The following ZNF536 variants were observed in gnomAD, a reference collection of about 807,000 sequenced individuals.
The protein encoded by ZNF536 is zinc finger protein 536.
A neutral mutation model predicts 84.5 loss-of-function variants in ZNF536; 13 were observed. The observed-to-expected ratio is 0.15, with a 90% CI of 0.10 to 0.24. ZNF536 has a LOEUF of 0.24. ZNF536 is among the 10% of genes least tolerant of loss of function. The pLI, the probability that ZNF536 is intolerant of heterozygous loss-of-function variation, is 1.00. For synonymous variants in ZNF536, 811 were observed against 742.5 expected (o/e 1.09, Z -1.50); for missense variants, 1,536 against 1,747.5 (o/e 0.88, Z 2.16).
At chr19:30,404,248 C>T (rs966760147) in intron 1 of ZNF536, among the ~76,000 whole-genome samples, 5 of 152,150 alleles carry the variant, frequency 3.3e-5, no homozygotes, top group Non-Finnish European at 5.9e-5. Context: ...AGTCTGGGCG[C>T]AGAGCCCAGA....
chr19:30,534,996 A>G lies in ZNF536; in HGVS notation c.2320A>G (p.Thr774Ala). The G allele has an allele frequency of 1.2e-6, 2 of 1,611,116 alleles. No individual in the cohort carries two copies. The highest frequency in any genetic ancestry group is 1.7e-6 in the Non-Finnish European group (2 of 1,178,536). ...HHLKVHLRIH[T>A]GEKPYKCPHC... is the part of the protein sequence containing the mutation. Reference sequence around the variant, plus strand: ...CCTTAAGGTGCACCTGAGGATACACACAGGTGAGAAGTCTGAGTGCATCCA... The same window carrying G: ...CCTTAAGGTGCACCTGAGGATACACGCAGGTGAGAAGTCTGAGTGCATCCA... Residue 774 changes from threonine to alanine, a missense_variant, in exon 3 of 5, where the codon ACA becomes GCA. Around this residue, in one of 8 missense-constraint regions of ZNF536, gnomAD observed 148 missense variants for 205.4 expected, o/e 0.72. Transcript: ENST00000355537.
intron 2 of ZNF536, among the ~76,000 whole-genome samples, chr19:30,337,632 T>G (rs1035758866): frequency 1.3e-5 from 2 of 152,146 alleles, no homozygotes; most frequent in Non-Finnish European, 2.9e-5. Context: ...GATGAGGCCT[T>G]CCTTATCTCC....
chr19:30,633,095 C>T (rs1258630763), intron 1 of ZNF536, among the ~76,000 whole-genome samples: 1 of 152,094 alleles, frequency 6.6e-6, no homozygotes, highest in Non-Finnish European at 1.5e-5. Context: ...ATAATTGATC[C>T]ACTTCCTTAG....
intron 2 of ZNF536, among the ~76,000 whole-genome samples, chr19:30,320,731 A>T (rs1405606437): frequency 6.6e-6 from 1 of 152,104 alleles, no homozygotes; most frequent in African/African-American, 2.4e-5. Flanking sequence ...GACCTGGATT[A>T]TCCAAACGAT....
intron 1 of ZNF536, among the ~76,000 whole-genome samples, chr19:30,274,176 C>T (rs1452039845): frequency 5.3e-5 from 8 of 152,340 alleles, no homozygotes; most frequent in Non-Finnish European, 8.8e-5. Context: ...GGGGGACCAA[C>T]GTTTCAAGTG....
chr19:30,567,430 G>A (rs919582844), intron 1 of ZNF536, among the ~76,000 whole-genome samples: 31 of 152,310 alleles, frequency 2.0e-4, no homozygotes, highest in Admixed American at 3.9e-4. Context: ...TGACAAAGTC[G>A]CAGTGATAAC....
rs143886562 is a variant in ZNF536, at chr19:30,571,430, C to T, written c.169+21916C>T. On this transcript the variant is annotated intron_variant, in intron 1 of 1. Coordinates refer to the ZNF536 transcript ENST00000592773. ...CACAGGCTAAGTAGGGGTCAAGATGCCCAAAGCCCTCTTCAGTGAGGATCA... is the reference window on the plus strand; with the variant it reads ...CACAGGCTAAGTAGGGGTCAAGATGTCCAAAGCCCTCTTCAGTGAGGATCA... Among the ~76,000 whole-genome samples, 26 of 152,322 alleles carry T rather than the reference C, an allele frequency of 1.7e-4. No individual in the cohort carries two copies. In the East Asian group the frequency reaches 4.6e-3, roughly 27 times the overall value.
intron 1 of ZNF536, among the ~76,000 whole-genome samples, chr19:30,243,100 A>G (rs2024048892): frequency 6.6e-6 from 1 of 152,144 alleles, no homozygotes; most frequent in East Asian, 1.9e-4. Flanking sequence ...TTGCTTAAAT[A>G]TTTCTCCTTC....
intron 1 of ZNF536, among the ~76,000 whole-genome samples, chr19:30,689,310 A>G (rs1344476481): frequency 6.6e-6 from 1 of 152,262 alleles, no homozygotes; most frequent in Non-Finnish European, 1.5e-5. Flanking sequence ...TGAAGATTCA[A>G]TGAGACATTG....
At chr19:30,341,847 A>G (rs1382310771) in intron 2 of ZNF536, among the ~76,000 whole-genome samples, 1 of 152,232 alleles carries the variant, frequency 6.6e-6, no homozygotes, top group African/African-American at 2.4e-5. Context: ...CACAATAAAC[A>G]TGTTGAAATG....
At chr19:30,327,331 G>A (rs532483283) in intron 2 of ZNF536, among the ~76,000 whole-genome samples, 13 of 152,194 alleles carry the variant, frequency 8.5e-5, no homozygotes, top group Admixed American at 7.8e-4. Context: ...AGGTCTGACT[G>A]AACCCTGCCC....
At chr19:30,683,573 C>T (rs1242411779) in intron 1 of ZNF536, among the ~76,000 whole-genome samples, 1 of 151,948 alleles carries the variant, frequency 6.6e-6, no homozygotes, top group Non-Finnish European at 1.5e-5. Context: ...TCTCTTTTTC[C>T]CTCTGATGGT....
chr19:30,314,607 A>T (rs949626257), intron 2 of ZNF536, among the ~76,000 whole-genome samples: 10 of 152,190 alleles, frequency 6.6e-5, no homozygotes, highest in Admixed American at 5.9e-4. Flanking sequence ...TCATGTTGTC[A>T]GGGTTATCTT....
At chr19:30,616,328 A>G (rs1380965046) in intron 1 of ZNF536, among the ~76,000 whole-genome samples, 7 of 152,168 alleles carry the variant, frequency 4.6e-5, no homozygotes, top group Non-Finnish European at 8.8e-5. Flanking sequence ...ATATCCTTCT[A>G]TGACTATTTG....
At chr19:30,617,326 T>C (rs919433229) in intron 1 of ZNF536, among the ~76,000 whole-genome samples, 1 of 130,808 alleles carries the variant, frequency 7.6e-6, no homozygotes, top group Non-Finnish European at 1.6e-5. Flanking sequence ...CATATCTGAA[T>C]AGCTTACTTT....
At chr19:30,617,301 G>A (rs1030311605) in intron 1 of ZNF536, among the ~76,000 whole-genome samples, 1 of 119,184 alleles carries the variant, frequency 8.4e-6, no homozygotes, top group Non-Finnish European at 1.7e-5. Flanking sequence ...TTTCCCCACA[G>A]TCCCCAGAGT....
At chr19:30,403,129 C>G (rs1305996786) in intron 1 of ZNF536, among the ~76,000 whole-genome samples, 2 of 152,086 alleles carry the variant, frequency 1.3e-5, no homozygotes, top group African/African-American at 4.8e-5. Context: ...TGAGATGCTG[C>G]CTGGCATTGC....
chr19:30,477,086 G>T (rs1220527288), intron 2 of ZNF536, among the ~76,000 whole-genome samples: 1 of 152,070 alleles, frequency 6.6e-6, no homozygotes, highest in Admixed American at 6.6e-5. Context: ...ATGGTAACTA[G>T]CCTATATTTT....
chr19:30,686,788 A>G (rs1279378282), intron 1 of ZNF536, among the ~76,000 whole-genome samples: 2 of 136,384 alleles, frequency 1.5e-5, no homozygotes, highest in African/African-American at 5.7e-5. Flanking sequence ...CCCTCCCCCC[A>G]CTCCCCCCAT....
Sources: gnomAD v4.1 joint callset for allele counts (sites outside exome capture counted in the v4.1 genomes callset) on GRCh38, gnomAD v4.1.1 for gene constraint, gnomAD v4.1.1 regional missense constraint, MANE v1.5 for transcripts, NCBI Gene and HGNC (gene_info 2026-07-23, HGNC 2026-07-21) for gene names.